The following ZNF184 variants were observed in gnomAD, a reference collection of about 807,000 sequenced individuals.
The protein encoded by ZNF184 is zinc finger protein 184.
In ZNF184, 16 loss-of-function variants were observed where a neutral mutation model predicts 54.4. That is an observed-to-expected ratio of 0.29 (90% CI 0.20 to 0.45). The LOEUF is 0.45. Among genes scored for constraint, ZNF184 ranks in the 20% least tolerant of loss-of-function variants. ZNF184 has a pLI of 1.00. For synonymous variants in ZNF184, 254 were observed against 295.3 expected (o/e 0.86, Z 1.43); for missense variants, 681 against 888.2 (o/e 0.77, Z 2.97).
Position 27,457,288 on chromosome 6 carries a change from G to C in ZNF184, c.197C>G (p.Ser66Cys). The C allele has an allele frequency of 6.2e-7, 1 of 1,613,738 alleles. No homozygotes were observed. Among genetic ancestry groups the C allele is most frequent in the East Asian group, 2.2e-5 (1 of 44,858 alleles). Residue 66 changes from serine to cysteine, a missense_variant, in exon 4 of 6, where the codon TCT becomes TGT. Coordinates refer to ENST00000683788, the MANE Select transcript of ZNF184 (RefSeq NM_001318891.2). ...CTCAGAGAAATTATCCTTACCTATA[G>C]AGACCAGGTGTGTATAATTTTCCAA... is the stretch of plus-strand genomic sequence containing the variant. ...VTLENYTHLV[S>C]IGLQVSKPDV...
At chr6:27,419,527 C>CAGATAGATAGATAGAT in the ZNF184 span, among the ~76,000 whole-genome samples, 19 of 149,016 alleles carry the variant, frequency 1.3e-4, no homozygotes, top group African/African-American at 2.2e-4. The surrounding 1 kb of genome is among the most constrained non-coding windows in gnomAD (Gnocchi z 4.8). Flanking sequence ...TTTCAATATT[C>CAGATAGATAGATAGAT]AGATAGATAG....
chr6:27,443,856 T>C, the ZNF184 span, among the ~76,000 whole-genome samples: 1 of 152,148 alleles, frequency 6.6e-6, no homozygotes, highest in Non-Finnish European at 1.5e-5. Flanking sequence ...CACTATAATT[T>C]ATTTCTCATA....
At chr6:27,405,351 T>C in the ZNF184 span, 108,138 of 151,932 alleles carry the variant, frequency 0.71, 38,679 homozygotes, top group Middle Eastern at 0.82. Flanking sequence ...TTGATAATCC[T>C]GACTGCCCCG....
chr6:27,449,252 A>G (rs1057466544), downstream of ZNF184, among the ~76,000 whole-genome samples: 1 of 152,192 alleles, frequency 6.6e-6, no homozygotes, highest in Non-Finnish European at 1.5e-5. Context: ...AATAAATTAC[A>G]CATGAAGGTA....
chr6:27,424,367 G>A, the ZNF184 span, among the ~76,000 whole-genome samples: 2 of 152,148 alleles, frequency 1.3e-5, no homozygotes, highest in Non-Finnish European at 2.9e-5. Context: ...AAGGAAAGCC[G>A]ACAGAGTTGC....
chr6:27,435,764 T>A, the ZNF184 span, among the ~76,000 whole-genome samples: 5 of 152,148 alleles, frequency 3.3e-5, no homozygotes, highest in African/African-American at 1.2e-4. Context: ...CTGAGAGAAA[T>A]CTGTTTCAAT....
chr6:27,431,495 A>T, the ZNF184 span, among the ~76,000 whole-genome samples: 1 of 152,230 alleles, frequency 6.6e-6, no homozygotes, highest in African/African-American at 2.4e-5. Flanking sequence ...ATAAAAATTT[A>T]ATAATTATAG....
At chr6:27,441,508 T>C in the ZNF184 span, among the ~76,000 whole-genome samples, 90,917 of 151,984 alleles carry the variant, frequency 0.6, 27,478 homozygotes, top group Middle Eastern at 0.75. Flanking sequence ...AGCCACTGTA[T>C]CTGGCCAGAA....
the ZNF184 span, among the ~76,000 whole-genome samples, chr6:27,445,680 T>C: frequency 1.8e-4 from 25 of 140,722 alleles, no homozygotes; most frequent in African/African-American, 6.7e-4. Flanking sequence ...AATAAACTTC[T>C]ATTCTTTATA....
chr6:27,470,774 T>C (rs1203928590), intron 2 of ZNF184, among the ~76,000 whole-genome samples: 1 of 152,126 alleles, frequency 6.6e-6, no homozygotes, highest in Non-Finnish European at 1.5e-5. Context: ...GCTACAAAAG[T>C]TATGATTACA....
intron 3 of ZNF184, among the ~76,000 whole-genome samples, chr6:27,465,773 A>T (rs1053503921): frequency 3.3e-5 from 5 of 152,166 alleles, no homozygotes; most frequent in Admixed American, 6.5e-5. Flanking sequence ...GCAAGGAGAA[A>T]CAGACCAACC....
At chr6:27,462,267 G>A (rs1012714583) in intron 3 of ZNF184, among the ~76,000 whole-genome samples, 8 of 151,568 alleles carry the variant, frequency 5.3e-5, no homozygotes, top group African/African-American at 1.5e-4. Context: ...GCGTGATCTC[G>A]GCTCACTGCA....
intron 5 of ZNF184, among the ~76,000 whole-genome samples, chr6:27,454,918 A>G (rs1762818545): frequency 6.6e-6 from 1 of 152,228 alleles, no homozygotes; most frequent in Non-Finnish European, 1.5e-5. Context: ...AAAACAAGAT[A>G]GACCAGTGAG....
chr6:27,442,472 T>C, the ZNF184 span, among the ~76,000 whole-genome samples: 3 of 151,752 alleles, frequency 2.0e-5, no homozygotes, highest in Admixed American at 6.6e-5. Flanking sequence ...ATAAAAAAAA[T>C]TAGCCAGGCA....
rs1762776264 is a variant in ZNF184, at chr6:27,453,110, A to G, written c.449T>C (p.Leu150Ser). The G allele has an allele frequency of 1.2e-6, 2 of 1,614,070 alleles. No homozygotes were observed. Among genetic ancestry groups the G allele is most frequent in the Non-Finnish European group, 1.7e-6 (2 of 1,179,994 alleles). Residue 150 changes from leucine to serine, a missense_variant, in exon 6 of 6, where the codon TTA (leucine) becomes TCA (serine). Coordinates refer to ENST00000683788, the MANE Select transcript of ZNF184 (RefSeq NM_001318891.2). The surrounding 1 kb of genome is among the most constrained non-coding windows in gnomAD (Gnocchi z 4.7). ...LLESWEYEGSLERQQANQQTL... is the reference protein window; with the variant it reads ...LLESWEYEGSSERQQANQQTL... The stretch of plus-strand genomic sequence containing the variant: ...CTGTTGGTTTGCCTGCTGTCTCTCT[A>G]AACTGCCTTCATATTCCCAACTTTC...
At chr6:27,446,009 G>T (rs1355217228), downstream of ZNF184, among the ~76,000 whole-genome samples, 1 of 152,018 alleles carries the variant, frequency 6.6e-6, no homozygotes, top group Non-Finnish European at 1.5e-5. Context: ...AAATAAAGAT[G>T]GAATTTATAA....
Position 27,451,772 on chromosome 6 carries a change from T to A in ZNF184, c.1787A>T (p.Asn596Ile). The change falls in exon 6 of 6, where the codon AAC (asparagine) becomes ATC (isoleucine). Residue 596 changes from asparagine to isoleucine, a missense_variant. Coordinates refer to ENST00000683788, the MANE Select transcript of ZNF184 (RefSeq NM_001318891.2). ...YKCNECGRAFNQNIHLTQHKR... is the reference protein window; with the variant it reads ...YKCNECGRAFIQNIHLTQHKR... ...ATGCTGTGTAAGGTGTATGTTCTGGTTGAATGCTCTCCCACACTCATTACA... is the reference window on the plus strand; with the variant it reads ...ATGCTGTGTAAGGTGTATGTTCTGGATGAATGCTCTCCCACACTCATTACA... 6.2e-7 allele frequency: 1 copy of A among 1,614,054 alleles called. No homozygotes were observed. The highest frequency in any genetic ancestry group is 8.5e-7 in the Non-Finnish European group (1 of 1,179,986).
chr6:27,439,366 G>C, the ZNF184 span, among the ~76,000 whole-genome samples: 1 of 152,184 alleles, frequency 6.6e-6, no homozygotes, highest in African/African-American at 2.4e-5. Flanking sequence ...ATTATGAGTA[G>C]CATGACAAAA....
chr6:27,447,613 T>C (rs777395316), downstream of ZNF184, among the ~76,000 whole-genome samples: 5 of 152,076 alleles, frequency 3.3e-5, no homozygotes, highest in African/African-American at 1.2e-4. Flanking sequence ...CTCGGGAGGC[T>C]GAGGCAGGAG....
Sources: gnomAD v4.1 joint callset for allele counts (sites outside exome capture counted in the v4.1 genomes callset) on GRCh38, gnomAD v4.1.1 for gene constraint, Gnocchi (gnomAD v3.1) non-coding constraint, MANE v1.5 for transcripts, NCBI Gene and HGNC (gene_info 2026-07-23, HGNC 2026-07-21) for gene names.